SBF2: variants seen among roughly 807,000 people sequenced by gnomAD.
SBF2 encodes myotubularin-related protein 13.
In SBF2, 112 loss-of-function variants were observed where a neutral mutation model predicts 225.2. That is an observed-to-expected ratio of 0.50 (90% confidence interval 0.43 to 0.58). The LOEUF (loss-of-function observed/expected upper bound fraction) is 0.58. SBF2 is among the 20% of genes least tolerant of loss of function. SBF2 has a pLI of 0.00. For synonymous variants in SBF2, 763 were observed against 773.3 expected (o/e 0.99, Z 0.22); for missense variants, 1,996 against 2,206.2 (o/e 0.90, Z 1.91).
chr11:9,781,763 A>G, intron 38 of SBF2, 125 bp from the exon 39 acceptor site: 2 of 1,109,858 alleles, frequency 1.8e-6, no homozygotes, highest in Non-Finnish European at 2.7e-6. Flanking sequence ...GCCTCGAAGA[A>G]TACACAAAAA....
intron 2 of SBF2, among the ~76,000 whole-genome samples, chr11:10,115,074 C>T (rs971005280): frequency 2.9e-4 from 44 of 152,074 alleles, no homozygotes; most frequent in African/African-American, 1.1e-3. Flanking sequence ...TTTATTTATG[C>T]ATAATTTTTT....
At chr11:10,221,552 C>A (rs57138875) in intron 1 of SBF2, among the ~76,000 whole-genome samples, 2 of 152,068 alleles carry the variant, frequency 1.3e-5, no homozygotes, top group Non-Finnish European at 2.9e-5. Flanking sequence ...TTAGGGGGCA[C>A]AATCATGGAG....
chr11:10,293,816 C>T (rs1233414940), intron 1 of SBF2, among the ~76,000 whole-genome samples, 199 bp downstream of exon 1: 1 of 152,128 alleles, frequency 6.6e-6, no homozygotes. Context: ...GTCTTCCCTC[C>T]CCCTACCGTC....
intron 2 of SBF2, among the ~76,000 whole-genome samples, chr11:10,129,961 G>T (rs1953953064): frequency 6.6e-6 from 1 of 152,086 alleles, no homozygotes; most frequent in Non-Finnish European, 1.5e-5. Flanking sequence ...AGTGAGCCAA[G>T]ATCATGCCAC....
chr11:10,096,425 A>T (rs568322081), intron 2 of SBF2, among the ~76,000 whole-genome samples: 1 of 38,730 alleles, frequency 2.6e-5, no homozygotes, highest in Non-Finnish European at 6.0e-5. Context: ...AAAGTTCTGT[A>T]AAAAAAAAAA....
Position 10,043,482 on chromosome 11 carries a change from T to C in SBF2, c.142-501A>G, listed in dbSNP as rs920639694. ...CAACAAATTTAAAAAAGAGGAATCA[T>C]AGAATGTCTGCTGTTAGACCATGAC... is the stretch of plus-strand genomic sequence containing the variant. On this transcript the variant is annotated intron_variant, in intron 2 of 39. Coordinates refer to ENST00000256190, the MANE Select transcript of SBF2 (RefSeq NM_030962.4). 8.5e-5 allele frequency among the ~76,000 whole-genome samples: 13 copies of C among 152,344 alleles called. 1 individual carries two copies. In the South Asian group the frequency reaches 2.1e-3, roughly 24 times the overall value.
chr11:10,186,951 A>G (rs188224049), intron 2 of SBF2, among the ~76,000 whole-genome samples: 2 of 152,196 alleles, frequency 1.3e-5, no homozygotes, highest in Non-Finnish European at 2.9e-5. Flanking sequence ...TAAGGGAAAC[A>G]ATCTTTGGAT....
chr11:10,112,338 T>G (rs1408580144), intron 2 of SBF2, among the ~76,000 whole-genome samples: 1 of 152,172 alleles, frequency 6.6e-6, no homozygotes, highest in East Asian at 1.9e-4. Context: ...GGGTCTTTCC[T>G]GCACCATTCT....
intron 26 of SBF2, chr11:9,838,414 C>G (rs1008412575): frequency 2.0e-5 from 3 of 152,134 alleles, no homozygotes; most frequent in East Asian, 1.9e-4. Flanking sequence ...ACTTTCCAAA[C>G]AGCAGGACAT....
rs574063672 is a variant in SBF2, at chr11:10,065,874, G to C, written c.142-22893C>G. ...GAGGCAGGAGAATCCTTGAACCCAG[G>C]GGGTGGAAGTTGCAGTGAGCCAAGA... On this transcript the variant is annotated intron_variant, in intron 2 of 39. Coordinates refer to ENST00000256190, the MANE Select transcript of SBF2 (RefSeq NM_030962.4). Among the ~76,000 whole-genome samples the C allele has an allele frequency of 5.9e-5, 9 of 152,212 alleles. No individual in the cohort carries two copies. In the South Asian group the frequency reaches 6.2e-4, roughly 11 times the overall value.
chr11:9,955,399 G>A (rs999542484), intron 16 of SBF2, among the ~76,000 whole-genome samples: 1 of 151,884 alleles, frequency 6.6e-6, no homozygotes, highest in Non-Finnish European at 1.5e-5. Context: ...CAATATATAA[G>A]AAATTTTTCC....
chr11:10,225,556 T>C (rs1565373431), intron 1 of SBF2, among the ~76,000 whole-genome samples: 1 of 152,126 alleles, frequency 6.6e-6, no homozygotes, highest in Non-Finnish European at 1.5e-5. Flanking sequence ...TCCTAATAAG[T>C]GATCCATTTT....
At chr11:9,944,773 C>T (rs751275541) in intron 16 of SBF2, among the ~76,000 whole-genome samples, 18 of 152,148 alleles carry the variant, frequency 1.2e-4, no homozygotes, top group Non-Finnish European at 2.6e-4. Context: ...TATCAAACTA[C>T]CAATGTTATT....
In SBF2 at chr11:10,136,008, G is replaced by C. The variant is rs182362657; in HGVS notation, c.141+57894C>G. ...ATACTGGGCGATTTACAAAAGAAAG[G>C]CGTTTAATAGACTCACAGCTCCACA... On this transcript the variant is annotated intron_variant, in intron 2 of 39. Transcript: ENST00000256190. Among the ~76,000 whole-genome samples the C allele has an allele frequency of 3.3e-5, 5 of 152,232 alleles. No individual in the cohort carries two copies. The East Asian group carries it at 9.6e-4, about 29-fold the overall frequency.
intron 16 of SBF2, among the ~76,000 whole-genome samples, chr11:9,913,197 C>G (rs1186957396): frequency 6.6e-6 from 1 of 152,042 alleles, no homozygotes; most frequent in Non-Finnish European, 1.5e-5. Context: ...GGTGGGAGGA[C>G]CATTTGAGTG....
At chr11:9,865,633 G>A (rs1449581201) in intron 17 of SBF2, among the ~76,000 whole-genome samples, 1 of 134,538 alleles carries the variant, frequency 7.4e-6, no homozygotes, top group Non-Finnish European at 1.5e-5. Context: ...GGAGGTTGCA[G>A]TGAGCCAAGA....
chr11:10,283,965 T>C (rs1591365140), intron 1 of SBF2, among the ~76,000 whole-genome samples: 1 of 152,208 alleles, frequency 6.6e-6, no homozygotes, highest in Admixed American at 6.5e-5. Flanking sequence ...TCAAATGATA[T>C]AATAATACAG....
At chr11:10,116,313 G>C (rs904783838) in intron 2 of SBF2, among the ~76,000 whole-genome samples, 5 of 152,136 alleles carry the variant, frequency 3.3e-5, no homozygotes, top group Non-Finnish European at 7.3e-5. Context: ...CTGTGATACT[G>C]TTCTGAAACA....
At position 10,292,539 on chromosome 11, in the gene SBF2, C is replaced by T. The variant is rs1014276198; in HGVS notation, c.55+1476G>A. On this transcript the variant is annotated intron_variant, in intron 1 of 39. Coordinates refer to ENST00000256190, the MANE Select transcript of SBF2 (RefSeq NM_030962.4). ...TACTACAAATACAAAAATTAGCGGGCGTGTTGGCGGGCGCCTGTAAATCCC... is the reference window on the plus strand; with the variant it reads ...TACTACAAATACAAAAATTAGCGGGTGTGTTGGCGGGCGCCTGTAAATCCC... Among the ~76,000 whole-genome samples the T allele has an allele frequency of 4.6e-5, 7 of 151,840 alleles. 1 individual carries two copies. Among genetic ancestry groups the T allele is most frequent in the Admixed American group, 2.6e-4 (4 of 15,246 alleles).
Sources: allele counts gnomAD v4.1 joint callset (sites outside exome capture counted in the v4.1 genomes callset), GRCh38; gene constraint gnomAD v4.1.1; transcripts MANE v1.5; gene names NCBI Gene and HGNC (gene_info 2026-07-23, HGNC 2026-07-21).